Variants in HERC4 observed in about 807,000 individuals in gnomAD.
HERC4 encodes HECT and RLD domain containing E3 ubiquitin protein ligase 4.
Under a neutral mutation model 124.3 loss-of-function variants are expected in HERC4, and 28 were observed. That is an observed-to-expected ratio of 0.23 (90% confidence interval 0.17 to 0.31). HERC4 has a LOEUF of 0.31. HERC4 is among the 10% of genes least tolerant of loss of function. The pLI is 1.00. For synonymous variants in HERC4, 407 were observed against 421.5 expected, an observed-to-expected ratio of 0.97 and a Z score of 0.42; for missense variants, 713 against 1,229.3, an observed-to-expected ratio of 0.58 and a Z score of 6.28.
chr10:68,033,141 C>T (rs191890050), intron 6 of HERC4, among the ~76,000 whole-genome samples: 6 of 152,220 alleles, frequency 3.9e-5, no homozygotes, highest in Non-Finnish European at 2.9e-5. Context: ...AATTATCTAA[C>T]TGCTTCTAAT....
chr10:67,946,841 A>C (rs2033399903), intron 19 of HERC4, among the ~76,000 whole-genome samples: 1 of 152,180 alleles, frequency 6.6e-6, no homozygotes, highest in Non-Finnish European at 1.5e-5. Context: ...TGGGAGGTAG[A>C]TGTTGCATTG....
At chr10:68,061,879 T>TTAAAA (rs773936246) in intron 3 of HERC4, among the ~76,000 whole-genome samples, 3 of 54,880 alleles carry the variant, frequency 5.5e-5, no homozygotes, top group Admixed American at 3.0e-4. Context: ...AGACTCCATT[T>TTAAAA]AAAAAAAAAA....
At position 67,988,748 on chromosome 10, in the gene HERC4, T is replaced by G; in HGVS notation, c.1721A>C (p.Tyr574Ser). The change falls in exon 15 of 25, where the codon TAC becomes TCC. Residue 574 changes from tyrosine (Y) to serine (S), a missense_variant. Tyr to Ser is a moderately radical substitution (Grantham distance 144, BLOSUM62 -2). Coordinates refer to ENST00000373700, the MANE Select transcript of HERC4 (RefSeq NM_015601.4). ...KEVVVHLLKL[Y>S]KIGIPPSERR... Reference sequence around the variant, plus strand: ...TTCAGAAGGGGGAATACCGATCTTGTAGAGTTTCAAAAGATGTACCACAAC... The same window carrying G: ...TTCAGAAGGGGGAATACCGATCTTGGAGAGTTTCAAAAGATGTACCACAAC... The G allele has an allele frequency of 6.2e-7, 1 of 1,607,950 alleles. No individual in the cohort carries two copies. Among genetic ancestry groups the G allele is most frequent in the Non-Finnish European group, 8.5e-7 (1 of 1,176,344 alleles).
intron 3 of HERC4, among the ~76,000 whole-genome samples, chr10:68,052,661 C>T (rs2040372618): frequency 6.6e-6 from 1 of 152,080 alleles, no homozygotes; most frequent in Non-Finnish European, 1.5e-5. Flanking sequence ...TCCTCTGGGA[C>T]CTCAGAAATA....
chr10:68,010,596 T>C (rs1564543458), intron 9 of HERC4: 3 of 1,269,808 alleles, frequency 2.4e-6, no homozygotes, highest in Non-Finnish European at 3.4e-6. Context: ...CTTTCAGGCC[T>C]GCACGAGGGT....
At chr10:67,964,165 C>T (rs985052044) in intron 16 of HERC4, among the ~76,000 whole-genome samples, 32 of 145,870 alleles carry the variant, frequency 2.2e-4, no homozygotes, top group African/African-American at 7.7e-4. Flanking sequence ...TTACTGCTTC[C>T]TTACCTCTAA....
At chr10:68,026,419 C>T (rs1004134395) in intron 7 of HERC4, among the ~76,000 whole-genome samples, 2 of 151,856 alleles carry the variant, frequency 1.3e-5, no homozygotes, top group Non-Finnish European at 2.9e-5. Flanking sequence ...TAGCATACAG[C>T]TGCTATAATA....
Position 68,075,117 on chromosome 10 carries a change from C to A in HERC4, c.-109+27G>T, listed in dbSNP as rs2041749951. 6.5e-6 allele frequency: 1 copy of A among 153,084 alleles called. No individual in the cohort carries two copies. Among genetic ancestry groups the A allele is most frequent in the Non-Finnish European group, 1.5e-5 (1 of 68,410 alleles). 9.5% of individuals were successfully genotyped at this position (153,084 alleles called of 1,614,324 possible). A position where few individuals can be genotyped will look rare whatever the true frequency, so the allele number is the denominator to read the frequency against. ...CGTCTGTGCCGCTGCTCCGCTGCTC[C>A]CCTCCCCGGCCCCTGGGAAACTTTA... On this transcript the variant is annotated intron_variant, in intron 1 of 24. Coordinates refer to ENST00000373700, the MANE Select transcript of HERC4 (RefSeq NM_015601.4).
At position 67,982,855 on chromosome 10, in the gene HERC4, C is replaced by A. The variant is rs139508405; in HGVS notation, c.1806+5808G>T. On this transcript the variant is annotated intron_variant, in intron 15 of 24. Coordinates refer to ENST00000373700, the MANE Select transcript of HERC4 (RefSeq NM_015601.4). ...AAAATACCAAACAGGCGGCAGGGTG[C>A]GGTGGCTCATGCCTGTAATCCCAGC... Among the ~76,000 whole-genome samples the A allele has an allele frequency of 1.2e-3, 188 of 152,152 alleles. 5 individuals carry two copies. The East Asian group carries it at 0.015, about 12-fold the overall frequency.
At chr10:68,011,138 C>T (rs994067721) in intron 9 of HERC4, among the ~76,000 whole-genome samples, 2 of 152,168 alleles carry the variant, frequency 1.3e-5, no homozygotes, top group African/African-American at 4.8e-5. Context: ...TCATAGCTCA[C>T]TGTAAACCTT....
At chr10:68,031,698 G>A (rs1373856048) in intron 7 of HERC4, among the ~76,000 whole-genome samples, 1 of 152,074 alleles carries the variant, frequency 6.6e-6, no homozygotes, top group Non-Finnish European at 1.5e-5. Flanking sequence ...TTATTGTCCT[G>A]CTAAAATTCC....
chr10:67,928,830 A>G (rs2031456309), intron 23 of HERC4, among the ~76,000 whole-genome samples: 2 of 152,122 alleles, frequency 1.3e-5, no homozygotes, highest in Non-Finnish European at 2.9e-5. Context: ...CTGAGGCAGA[A>G]GAATCGCTTG....
At position 67,974,097 on chromosome 10, in the gene HERC4, CACACACACACACACACACACACAT is replaced by C. The variant is rs1055308444; in HGVS notation, c.1807-7319_1807-7296del. Among the ~76,000 whole-genome samples the C allele has an allele frequency of 9.1e-5, 13 of 142,822 alleles. No homozygotes were observed. In the East Asian group the frequency reaches 1.6e-3, roughly 18 times the overall value. The allele number at this position is 142,822 out of a possible 152,430, so 93.7% of individuals were successfully genotyped here. A position where few individuals can be genotyped will look rare whatever the true frequency, so the allele number is the denominator to read the frequency against. On this transcript the variant is annotated intron_variant, in intron 15 of 24. Coordinates refer to ENST00000373700, the MANE Select transcript of HERC4 (RefSeq NM_015601.4). ...GTACACACACACACACACACACACACACACACACACACACACACACACATACACACAGGGTCAGGAAAACAAGAC... is the reference window on the plus strand; with the variant it reads ...GTACACACACACACACACACACACACACACACAGGGTCAGGAAAACAAGAC...
chr10:67,967,076 G>T (rs551029667), intron 15 of HERC4, among the ~76,000 whole-genome samples: 3 of 152,148 alleles, frequency 2.0e-5, no homozygotes, highest in Admixed American at 2.0e-4. Flanking sequence ...GGATGGTCTC[G>T]ATCTCCTGAC....
chr10:67,996,142 C>CA (rs766378575), intron 9 of HERC4: 21 of 449,484 alleles, frequency 4.7e-5, no homozygotes, highest in East Asian at 1.5e-4. Context: ...CTCGCCTCTA[C>CA]AAAAAAAATT....
intron 15 of HERC4, among the ~76,000 whole-genome samples, chr10:67,976,656 A>C (rs2035606970): frequency 6.6e-6 from 1 of 152,190 alleles, no homozygotes; most frequent in African/African-American, 2.4e-5. Context: ...AAAAAGAGAT[A>C]CAAAAAAGTC....
At chr10:68,039,859 A>G (rs1011915324) in intron 4 of HERC4, 18 of 1,002,412 alleles carry the variant, frequency 1.8e-5, no homozygotes, top group Non-Finnish European at 2.0e-5. Flanking sequence ...GGAAAAAAAA[A>G]CACTATTCTG....
At chr10:68,027,992 A>T (rs954708007) in intron 7 of HERC4, among the ~76,000 whole-genome samples, 60 of 146,144 alleles carry the variant, frequency 4.1e-4, no homozygotes, top group African/African-American at 1.2e-3. Context: ...ATTTTTAATT[A>T]TATATATATA....
In HERC4 at chr10:68,055,512, G is replaced by C. The variant is rs559863028; in HGVS notation, c.227-10949C>G. On this transcript the variant is annotated intron_variant, in intron 3 of 24. Transcript: ENST00000373700. ...ATTTATACAGAGGAATACAATTAACGTATATAAAGAGCTTATGTGCCTGGC... is the reference window on the plus strand; with the variant it reads ...ATTTATACAGAGGAATACAATTAACCTATATAAAGAGCTTATGTGCCTGGC... Among the ~76,000 whole-genome samples the C allele has an allele frequency of 2.6e-5, 4 of 152,138 alleles. No homozygotes were observed. The South Asian group carries it at 8.3e-4, about 32-fold the overall frequency.
Sources: gnomAD v4.1 joint callset for allele counts (sites outside exome capture counted in the v4.1 genomes callset) on GRCh38, gnomAD v4.1.1 for gene constraint, MANE v1.5 for transcripts, NCBI Gene and HGNC (gene_info 2026-07-23, HGNC 2026-07-21) for gene names.